Variants in NUMA1 observed in about 807,000 individuals in gnomAD.
NUMA1 encodes nuclear mitotic apparatus protein 1.
NUMA1 carries 62 observed loss-of-function variants against 237.1 expected under a neutral mutation model. That is an observed-to-expected ratio of 0.26 (90% CI 0.21 to 0.32). NUMA1 has a LOEUF of 0.32. NUMA1 is among the 10% of genes least tolerant of loss of function. NUMA1 has a pLI of 1.00. For missense variants in NUMA1, 2,533 were observed against 2,666.5 expected (o/e 0.95, Z 1.10); for synonymous variants, 1,028 against 1,066.1 (o/e 0.96, Z 0.70).
chr11:72,016,221 T>C lies in NUMA1; in HGVS notation c.1282A>G (p.Asn428Asp), dbSNP rs1246244328. Residue 428 changes from asparagine to aspartate, a missense_variant, in exon 15 of 27, where the codon AAC becomes GAC. Coordinates refer to ENST00000393695, the MANE Select transcript of NUMA1 (RefSeq NM_006185.4). The stretch of plus-strand genomic sequence containing the variant: ...ACCCTGGCTTGGAGCTGTGTGTTGT[T>C]TGCAGCAAGAGTGGCTGCCTCTTGC... ...LKQEAATLAA[N>D]NTQLQARVEM... 13 of 1,603,258 alleles carry C rather than the reference T, an allele frequency of 8.1e-6. No homozygotes were observed. Among genetic ancestry groups the C allele is most frequent in the Non-Finnish European group, 1.1e-5 (13 of 1,171,672 alleles).
At chr11:72,011,499 C>T (rs1483556068) in intron 16 of NUMA1, among the ~76,000 whole-genome samples, 2 of 152,162 alleles carry the variant, frequency 1.3e-5, no homozygotes, top group Non-Finnish European at 2.9e-5. Context: ...CCCCATGCAC[C>T]CTTGGCTGCT....
At chr11:72,008,250 G>C (rs1055235272) in intron 20 of NUMA1, 3 of 383,702 alleles carry the variant, frequency 7.8e-6, no homozygotes, top group Non-Finnish European at 1.5e-5. Context: ...AATTAACCAT[G>C]TACTCTTCAG....
chr11:72,073,061 A>AAAAAAAAAAAAAAAAAAAC, intron 1 of NUMA1, among the ~76,000 whole-genome samples: 1 of 147,960 alleles, frequency 6.8e-6, no homozygotes, highest in Non-Finnish European at 1.5e-5. Context: ...AAAAAAAAAA[A>AAAAAAAAAAAAAAAAAAAC]AAAAAAAGCT....
chr11:72,075,524 G>A (rs1943666828), intron 1 of NUMA1, among the ~76,000 whole-genome samples: 2 of 152,152 alleles, frequency 1.3e-5, no homozygotes, highest in African/African-American at 4.8e-5. Flanking sequence ...GCAGCACCAG[G>A]TAACACCCTC....
chr11:72,018,557 T>A (rs369400807), intron 10 of NUMA1, 44 bp from the exon 11 acceptor site: 28 of 1,525,396 alleles, frequency 1.8e-5, no homozygotes, highest in Non-Finnish European at 2.5e-5. Context: ...CAGAACTATG[T>A]GCATGAGCGG....
rs145763403 is a variant in NUMA1, at chr11:72,008,427, C to CTG, written c.5216+259_5216+260dup. 3.5e-3 allele frequency: 1,726 copies of CTG among 493,522 alleles called. 23 individuals are homozygous for CTG. The highest frequency in any genetic ancestry group is 0.031 in the African/African-American group (1,621 of 51,700). 30.6% of individuals were successfully genotyped at this position (493,522 alleles called of 1,614,324 possible). A position where few individuals can be genotyped will look rare whatever the true frequency, so the allele number is the denominator to read the frequency against. On this transcript the variant is annotated intron_variant, in intron 20 of 26. Coordinates refer to ENST00000393695, the MANE Select transcript of NUMA1 (RefSeq NM_006185.4). ...GGCTCTTTCACAGCCTCTGTTCACACTGCTCTTCTCGTCAACCTGGCACAC... is the reference window on the plus strand; with the variant it reads ...GGCTCTTTCACAGCCTCTGTTCACACTGTGCTCTTCTCGTCAACCTGGCACAC...
intron 3 of NUMA1, among the ~76,000 whole-genome samples, chr11:72,034,171 C>G (rs1940705927): frequency 6.6e-6 from 1 of 152,116 alleles, no homozygotes; most frequent in Admixed American, 6.5e-5. Flanking sequence ...TTAATCAGTA[C>G]TCAGGGTGAA....
chr11:72,072,896 G>A (rs11235432), intron 1 of NUMA1, among the ~76,000 whole-genome samples: 1 of 151,934 alleles, frequency 6.6e-6, no homozygotes, highest in Admixed American at 6.6e-5. Flanking sequence ...CAAAAAATTA[G>A]CTGGGCGCGG....
At chr11:72,064,788 G>A (rs1341777779) in intron 2 of NUMA1, among the ~76,000 whole-genome samples, 2 of 152,154 alleles carry the variant, frequency 1.3e-5, no homozygotes, top group African/African-American at 4.8e-5. Flanking sequence ...AGCTGTGATC[G>A]TACCACTGCA....
chr11:72,024,542 G>A (rs892362111), intron 4 of NUMA1, 189 bp from the exon 5 acceptor site: 1 of 586,486 alleles, frequency 1.7e-6, no homozygotes. Flanking sequence ...TGTGTGGTGG[G>A]TGGGAAGAGG....
chr11:72,012,633 C>T (rs1956231251), intron 15 of NUMA1, among the ~76,000 whole-genome samples, 191 bp from the exon 16 acceptor site: 1 of 152,120 alleles, frequency 6.6e-6, no homozygotes, highest in African/African-American at 2.4e-5. Context: ...GCAGGTGTGC[C>T]TCTGAACAGG....
intron 4 of NUMA1, among the ~76,000 whole-genome samples, chr11:72,028,493 T>C (rs1227747292): frequency 1.4e-4 from 20 of 139,734 alleles, no homozygotes; most frequent in African/African-American, 4.7e-4. Flanking sequence ...ACAACTGACC[T>C]ATGCTTGGTC....
chr11:72,036,551 A>G (rs1300947396), intron 2 of NUMA1, among the ~76,000 whole-genome samples: 1 of 152,214 alleles, frequency 6.6e-6, no homozygotes, highest in Non-Finnish European at 1.5e-5. Flanking sequence ...CAGGTACCCA[A>G]ATTGTACCTA....
At chr11:72,060,026 T>C (rs1279104692) in intron 2 of NUMA1, among the ~76,000 whole-genome samples, 1 of 152,222 alleles carries the variant, frequency 6.6e-6, no homozygotes, top group East Asian at 1.9e-4. Flanking sequence ...TATTACCATT[T>C]TGATTTTAAA....
At chr11:72,006,293 TAC>T (rs1447914733) in intron 21 of NUMA1, 30 bp from the exon 22 acceptor site, 1 of 1,593,142 alleles carries the variant, frequency 6.3e-7, no homozygotes. Flanking sequence ...TGTTGCAGTG[TAC>T]AGTCCCTGGC....
intron 9 of NUMA1, 35 bp downstream of exon 9, chr11:72,019,459 A>G (rs1157009317): frequency 3.1e-6 from 5 of 1,606,892 alleles, no homozygotes; most frequent in Non-Finnish European, 4.3e-6. Context: ...ATGGATGCTG[A>G]GGCCCTATCC....
intron 1 of NUMA1, among the ~76,000 whole-genome samples, chr11:72,077,179 A>G (rs1001077594): frequency 6.6e-6 from 1 of 152,234 alleles, no homozygotes; most frequent in Admixed American, 6.5e-5. Context: ...TAAGTTACGC[A>G]TGAGATCTGA....
intron 3 of NUMA1, among the ~76,000 whole-genome samples, chr11:72,033,080 G>T (rs1291248603): frequency 2.0e-5 from 3 of 151,948 alleles, no homozygotes; most frequent in Non-Finnish European, 4.4e-5. Flanking sequence ...ATTATTTCAT[G>T]CTACTACAGT....
At position 72,027,180 on chromosome 11, in the gene NUMA1, A is replaced by T. The variant is rs1289774343; in HGVS notation, c.128+2025T>A. On this transcript the variant is annotated intron_variant, in intron 4 of 26. Coordinates refer to ENST00000393695, the MANE Select transcript of NUMA1 (RefSeq NM_006185.4). ...CCTTGATCTATTTTGAAGTCAAAAA[A>T]GCATGCTGCCCCATATTGTGTGTTA... Among the ~76,000 whole-genome samples the T allele has an allele frequency of 2.0e-5, 3 of 152,254 alleles. No individual in the cohort carries two copies. In the East Asian group the frequency reaches 5.8e-4, roughly 29 times the overall value.
Sources: gnomAD v4.1 joint callset for allele counts (sites outside exome capture counted in the v4.1 genomes callset) on GRCh38, gnomAD v4.1.1 for gene constraint, MANE v1.5 for transcripts, NCBI Gene and HGNC (gene_info 2026-07-23, HGNC 2026-07-21) for gene names.